SGSM1: variants seen among roughly 807,000 people sequenced by gnomAD.
The protein encoded by SGSM1 is small G protein signaling modulator 1.
A neutral mutation model predicts 133.8 loss-of-function variants in SGSM1; 73 were observed. The observed-to-expected ratio is 0.55, with a 90% CI of 0.45 to 0.66. The LOEUF is 0.66. SGSM1 is among the 30% of genes least tolerant of loss of function. The pLI is 0.00. For synonymous variants in SGSM1, 563 were observed against 573.0 expected (o/e 0.98, Z 0.25); for missense variants, 1,213 against 1,448.1 (o/e 0.84, Z 2.64).
intron 2 of SGSM1, among the ~76,000 whole-genome samples, chr22:24,837,547 G>A (rs1403512355): frequency 6.7e-6 from 1 of 148,624 alleles, no homozygotes; most frequent in Non-Finnish European, 1.5e-5. Context: ...GAGGAGCAGA[G>A]TCTTCTCTAA....
In SGSM1 at chr22:24,819,143, C is replaced by CAAAA. The variant is rs56384293; in HGVS notation, c.63+12671_63+12674dup. The stretch of plus-strand genomic sequence containing the variant: ...CCTGGGCGACAGAGCAAGACTCTGT[C>CAAAA]AAAAAAAAAAAAAAACAATAATCAC... On this transcript the variant is annotated intron_variant, in intron 2 of 24. Coordinates refer to ENST00000400358, the MANE Select transcript of SGSM1 (RefSeq NM_001098497.3). 3.9e-3 allele frequency among the ~76,000 whole-genome samples: 419 copies of CAAAA among 106,546 alleles called. 3 individuals carry two copies. The highest frequency in any genetic ancestry group is 0.013 in the African/African-American group (386 of 29,998). The allele number at this position is 106,546 out of a possible 152,430, so 69.9% of individuals were successfully genotyped here.
At chr22:24,887,547 C>T (rs986089586) in intron 16 of SGSM1, among the ~76,000 whole-genome samples, 6 of 152,050 alleles carry the variant, frequency 3.9e-5, no homozygotes, top group African/African-American at 1.4e-4. Flanking sequence ...AATGAACATT[C>T]GTGTACAGTT....
chr22:24,807,056 C>G lies in SGSM1; in HGVS notation c.63+572C>G, dbSNP rs143218723. On this transcript the variant is annotated intron_variant, in intron 2 of 24. Transcript: ENST00000400358. ...CCCTGGCAGTAGGGGTCCCTTCACT[C>G]CCCCCGCCCCACTCCCACCCCACAT... 1.8e-3 allele frequency among the ~76,000 whole-genome samples: 269 copies of G among 152,194 alleles called. 2 individuals are homozygous for G. Among genetic ancestry groups the G allele is most frequent in the African/African-American group, 6.1e-3 (253 of 41,518 alleles).
At position 24,876,560 on chromosome 22, in the gene SGSM1, CCTT is replaced by C; in HGVS notation, c.1292-14_1292-12del. On this transcript the variant is annotated splice_polypyrimidine_tract_variant and intron_variant, in intron 12 of 24. Transcript: ENST00000400358. ...TAACCAGGGTGATTCTTCTGCCCCT[CCTT>C]CTATCCACCACAGTGCCCCAGGATC... is the stretch of plus-strand genomic sequence containing the variant. The C allele has an allele frequency of 6.2e-7, 1 of 1,613,932 alleles. No homozygotes were observed. The highest frequency in any genetic ancestry group is 8.5e-7 in the Non-Finnish European group (1 of 1,179,830).
At chr22:24,879,090 G>C (rs1490046025) in intron 13 of SGSM1, among the ~76,000 whole-genome samples, 3 of 152,206 alleles carry the variant, frequency 2.0e-5, no homozygotes, top group Non-Finnish European at 4.4e-5. Flanking sequence ...AACCCATTCA[G>C]AAAAGTGTCT....
At chr22:24,866,955 G>A in intron 9 of SGSM1, 138 bp from the exon 10 acceptor site, 1 of 764,514 alleles carries the variant, frequency 1.3e-6, no homozygotes, top group Non-Finnish European at 2.2e-6. Context: ...ATAGAGTCTG[G>A]GCAGGCTGGG....
chr22:24,898,775 C>T (rs1933008740), intron 19 of SGSM1, among the ~76,000 whole-genome samples: 1 of 152,054 alleles, frequency 6.6e-6, no homozygotes, highest in South Asian at 2.1e-4. Flanking sequence ...CACCTGTAAT[C>T]CCAGCACTTT....
chr22:24,921,742 C>G (rs922150860), intron 24 of SGSM1, among the ~76,000 whole-genome samples: 3 of 151,514 alleles, frequency 2.0e-5, no homozygotes, highest in Non-Finnish European at 4.4e-5. Flanking sequence ...TCTTGTTGCC[C>G]AGGCTGGAGT....
At chr22:24,821,478 A>T (rs1480756448) in intron 2 of SGSM1, among the ~76,000 whole-genome samples, 1 of 152,150 alleles carries the variant, frequency 6.6e-6, no homozygotes, top group African/African-American at 2.4e-5. Context: ...TGAGGAGGAG[A>T]GAGATGCGAG....
intron 12 of SGSM1, among the ~76,000 whole-genome samples, chr22:24,876,289 G>A (rs1932020121): frequency 6.6e-6 from 1 of 152,132 alleles, no homozygotes; most frequent in South Asian, 2.1e-4. Flanking sequence ...GCAAGGCTTG[G>A]CCTCCTGCTC....
At chr22:24,924,120 C>T in intron 24 of SGSM1, 66 bp from the exon 25 acceptor site, 1 of 1,484,158 alleles carries the variant, frequency 6.7e-7, no homozygotes. Flanking sequence ...CCTCCAGGGG[C>T]TGGAATTGTA....
intron 16 of SGSM1, among the ~76,000 whole-genome samples, chr22:24,892,594 G>A (rs929514985): frequency 6.6e-6 from 1 of 152,128 alleles, no homozygotes. Context: ...CGTTGATTGA[G>A]TGGATAGGTG....
At chr22:24,838,381 A>G (rs914170434) in intron 2 of SGSM1, among the ~76,000 whole-genome samples, 1 of 152,216 alleles carries the variant, frequency 6.6e-6, no homozygotes, top group Non-Finnish European at 1.5e-5. Flanking sequence ...ATAGCCAGGA[A>G]GAAATGCAAC....
intron 15 of SGSM1, among the ~76,000 whole-genome samples, chr22:24,885,629 G>A (rs557066256): frequency 6.6e-6 from 1 of 151,810 alleles, no homozygotes; most frequent in East Asian, 2.0e-4. Flanking sequence ...TCACCATGTT[G>A]GCCAGGCTGG....
intron 2 of SGSM1, among the ~76,000 whole-genome samples, chr22:24,817,006 T>G (rs9612773): frequency 3.3e-5 from 5 of 151,810 alleles, no homozygotes; most frequent in East Asian, 1.9e-4. Flanking sequence ...CACTTGGTCA[T>G]GGGGGGGTGA....
chr22:24,907,353 T>C (rs1292587083), intron 21 of SGSM1, among the ~76,000 whole-genome samples: 1 of 152,080 alleles, frequency 6.6e-6, no homozygotes, highest in Non-Finnish European at 1.5e-5. Flanking sequence ...GCAAGATTTG[T>C]ACATTGAAAA....
At chr22:24,899,523 T>C (rs967565411) in intron 19 of SGSM1, among the ~76,000 whole-genome samples, 30 of 150,108 alleles carry the variant, frequency 2.0e-4, no homozygotes, top group Admixed American at 6.0e-4. Context: ...CTTTTCTTTT[T>C]TTTTTTTTTT....
Position 24,898,403 on chromosome 22 carries a change from G to A in SGSM1, c.2454G>A (p.Arg818=), listed in dbSNP as rs1283392573. The change falls in exon 19 of 25, where the codon AGG becomes AGA. Residue 818 remains arginine, a synonymous_variant. Transcript: ENST00000400358. ...ACGATGTTGTGATGGAGGGCTGGAG[G>A]AGCAGCGAGACAGAGAAACATGGCC... The part of the protein sequence containing the change: ...EKDDVVMEGW[R]SSETEKHGQA... The A allele has an allele frequency of 6.2e-7, 1 of 1,613,884 alleles. No homozygotes were observed. The highest frequency in any genetic ancestry group is 8.5e-7 in the Non-Finnish European group (1 of 1,179,860).
chr22:24,808,512 G>T (rs757539387), intron 2 of SGSM1, among the ~76,000 whole-genome samples: 2 of 152,150 alleles, frequency 1.3e-5, no homozygotes, highest in African/African-American at 2.4e-5. Flanking sequence ...CTTTTTGTTC[G>T]TGGTTTAACC....
Sources: gnomAD v4.1 joint callset for allele counts (sites outside exome capture counted in the v4.1 genomes callset) on GRCh38, gnomAD v4.1.1 for gene constraint, MANE v1.5 for transcripts, NCBI Gene and HGNC (gene_info 2026-07-23, HGNC 2026-07-21) for gene names.